The following VPS36 variants were observed in gnomAD, a reference collection of about 807,000 sequenced individuals.
VPS36 encodes the protein vacuolar protein-sorting-associated protein 36.
In VPS36, 31 loss-of-function variants were observed where a neutral mutation model predicts 63.5. The observed-to-expected ratio is 0.49, with a 90% CI of 0.37 to 0.66. The LOEUF is 0.66. Ranked by LOEUF, VPS36 falls within the 30% of genes least tolerant of loss-of-function variation. VPS36 has a pLI of 0.00. For synonymous variants in VPS36, 138 were observed against 157.2 expected (o/e 0.88, Z 0.91); for missense variants, 338 against 463.7 (o/e 0.73, Z 2.49).
intron 9 of VPS36, among the ~76,000 whole-genome samples, chr13:52,425,304 A>C (rs1247575900): frequency 6.6e-6 from 1 of 152,150 alleles, no homozygotes; most frequent in African/African-American, 2.4e-5. Context: ...GATAACATTA[A>C]GAAAGTATTT....
intron 10 of VPS36, among the ~76,000 whole-genome samples, chr13:52,420,325 CT>C (rs949377726): frequency 2.0e-5 from 3 of 150,980 alleles, no homozygotes; most frequent in Non-Finnish European, 2.9e-5. Context: ...TTGTATATTT[CT>C]TTTTTTTAAA....
intron 6 of VPS36, chr13:52,429,147 A>C (rs1411019569): frequency 1.8e-6 from 1 of 547,794 alleles, no homozygotes; most frequent in Non-Finnish European, 2.3e-6. Context: ...CTATAGTCAA[A>C]TTTCCACTCC....
chr13:52,436,910 T>C (rs1958224873), intron 3 of VPS36, among the ~76,000 whole-genome samples: 1 of 152,204 alleles, frequency 6.6e-6, no homozygotes, highest in South Asian at 2.1e-4. Context: ...CAGCATGATC[T>C]AGAAAGATAT....
At position 52,434,623 on chromosome 13, in the gene VPS36, A is replaced by G. The variant is rs150034962; in HGVS notation, c.441+170T>C. ...CCACCCCGCCTTGGCCTCCCAAAGT[A>G]GTGGGATTACAGGCGTGAGCCACCG... is the stretch of plus-strand genomic sequence containing the variant. On this transcript the variant is annotated intron_variant, in intron 5 of 13. Transcript: ENST00000378060. Among the ~76,000 whole-genome samples the G allele has an allele frequency of 7.4e-3, 1,124 of 152,216 alleles. 6 individuals carry two copies. Among genetic ancestry groups the G allele is most frequent in the African/African-American group, 0.017 (700 of 41,536 alleles).
At chr13:52,423,686 C>A (rs572729831) in intron 9 of VPS36, 47 bp from the exon 10 acceptor site, 1 of 1,472,404 alleles carries the variant, frequency 6.8e-7, no homozygotes, top group East Asian at 2.3e-5. Flanking sequence ...TACAATTACA[C>A]CAGTTAGCAT....
intron 10 of VPS36, among the ~76,000 whole-genome samples, chr13:52,420,483 C>T (rs1441402080): frequency 6.6e-6 from 1 of 151,796 alleles, no homozygotes; most frequent in Non-Finnish European, 1.5e-5. Flanking sequence ...CAGGTGCCTG[C>T]CACCACGCCC....
chr13:52,432,311 ACTGCACTCCAGCCTGGGCGACAGAGC>A (rs1326883363), intron 6 of VPS36, among the ~76,000 whole-genome samples: 2 of 152,154 alleles, frequency 1.3e-5, no homozygotes, highest in Non-Finnish European at 2.9e-5. Flanking sequence ...GGATCGAGCC[ACTGCACTCCAGCCTGGGCGACAGAGC>A]AAGACTCTGT....
rs750901396 is a variant in VPS36, at chr13:52,426,100, C to T, written c.640-34G>A. ...AAAAAGGAGAAAATGCAGAATTAGT[C>T]TCTCCACCTCAATATTTGAAATTCT... is the stretch of plus-strand genomic sequence containing the variant. On this transcript the variant is annotated intron_variant, in intron 8 of 13. Coordinates refer to ENST00000378060, the MANE Select transcript of VPS36 (RefSeq NM_016075.4). 5 of 1,603,814 alleles carry T rather than the reference C, an allele frequency of 3.1e-6. No homozygotes were observed. In the African/African-American group the frequency reaches 6.7e-5, roughly 22 times the overall value.
chr13:52,438,014 A>G (rs1173304548), intron 3 of VPS36, among the ~76,000 whole-genome samples: 2 of 152,192 alleles, frequency 1.3e-5, no homozygotes, highest in African/African-American at 4.8e-5. Flanking sequence ...CAATGCAAAT[A>G]TAACTGTTTG....
intron 6 of VPS36, among the ~76,000 whole-genome samples, chr13:52,431,762 CAAAAAAAAAA>C (rs60968712): frequency 7.3e-5 from 5 of 68,088 alleles, no homozygotes; most frequent in Admixed American, 5.8e-4. Context: ...GACTCTGTCT[CAAAAAAAAAA>C]AAAAAAAAAA....
chr13:52,431,456 C>T (rs1414345404), intron 6 of VPS36, among the ~76,000 whole-genome samples: 1 of 152,066 alleles, frequency 6.6e-6, no homozygotes, highest in Admixed American at 6.6e-5. Flanking sequence ...TCTGAAATAT[C>T]ATTTCCCACT....
intron 2 of VPS36, among the ~76,000 whole-genome samples, chr13:52,441,676 TG>T (rs760303152): frequency 2.6e-5 from 4 of 151,506 alleles, no homozygotes; most frequent in Non-Finnish European, 5.9e-5. Context: ...CACTTGAACC[TG>T]GGAGGCGGAG....
At chr13:52,423,777 A>G (rs777628157) in intron 9 of VPS36, 138 bp from the exon 10 acceptor site, 1 of 680,760 alleles carries the variant, frequency 1.5e-6, no homozygotes, top group Non-Finnish European at 2.4e-6. Context: ...TTATTTATAC[A>G]AAGGAGAACC....
chr13:52,437,987 C>T lies in VPS36; in HGVS notation c.236+1111G>A, dbSNP rs974688407. Reference sequence around the variant, plus strand: ...TCTTCAGAGATGTTAAAAGGTGAAACGTACACATCTTGAAATCAATGCAAA... The same window carrying T: ...TCTTCAGAGATGTTAAAAGGTGAAATGTACACATCTTGAAATCAATGCAAA... On this transcript the variant is annotated intron_variant, in intron 3 of 13. Coordinates refer to ENST00000378060, the MANE Select transcript of VPS36 (RefSeq NM_016075.4). 7.9e-5 allele frequency among the ~76,000 whole-genome samples: 12 copies of T among 151,480 alleles called. No homozygotes were observed. In the South Asian group the frequency reaches 8.3e-4, roughly 10 times the overall value.
intron 3 of VPS36, among the ~76,000 whole-genome samples, chr13:52,437,929 C>CAA (rs369189627): frequency 1.6e-5 from 2 of 126,972 alleles, no homozygotes; most frequent in South Asian, 2.4e-4. Flanking sequence ...GACGCTGCCT[C>CAA]AAAAAAAAAA....
chr13:52,449,280 A>G (rs1019985622), intron 1 of VPS36, among the ~76,000 whole-genome samples: 1 of 152,250 alleles, frequency 6.6e-6, no homozygotes, highest in African/African-American at 2.4e-5. Flanking sequence ...CGGAGGTTGC[A>G]GTGAGCCCAG....
At chr13:52,431,909 A>G (rs1958162469) in intron 6 of VPS36, among the ~76,000 whole-genome samples, 1 of 152,124 alleles carries the variant, frequency 6.6e-6, no homozygotes, top group Non-Finnish European at 1.5e-5. Context: ...TCACCTAGTC[A>G]CAACAAAAGC....
chr13:52,425,008 T>C (rs1958085726), intron 9 of VPS36, among the ~76,000 whole-genome samples: 1 of 132,668 alleles, frequency 7.5e-6, no homozygotes, highest in Non-Finnish European at 1.6e-5. Context: ...AAAAAGAAAA[T>C]GTAGCACTTT....
rs1267866744 is a variant in VPS36 at position 52,414,686 on chromosome 13, G to A, written c.*1144C>T. The A allele has an allele frequency of 6.6e-6, 1 of 152,238 alleles. No individual in the cohort carries two copies. Among genetic ancestry groups the A allele is most frequent in the African/African-American group, 2.4e-5 (1 of 41,442 alleles). The allele number at this position is 152,238 out of a possible 1,614,324, so 9.4% of individuals were successfully genotyped here. ...ACAATACTTTCCCTCCCGCAGGCTT[G>A]GCCAAAACCATCACCACCCTTTCAC... On this transcript the variant is annotated 3_prime_UTR_variant, in exon 14 of 14. Transcript: ENST00000378060.
Sources: gnomAD v4.1 joint callset for allele counts (sites outside exome capture counted in the v4.1 genomes callset) on GRCh38, gnomAD v4.1.1 for gene constraint, MANE v1.5 for transcripts, NCBI Gene and HGNC (gene_info 2026-07-23, HGNC 2026-07-21) for gene names.